Variants in PER2 observed in about 807,000 individuals in gnomAD.
PER2 encodes period circadian regulator 2.
In PER2, 66 loss-of-function variants were observed where a neutral mutation model predicts 121.0. The observed-to-expected ratio is 0.55, with a 90% confidence interval of 0.45 to 0.67. The LOEUF is 0.67. PER2 is among the 30% of genes least tolerant of loss of function. The pLI, the probability that PER2 is intolerant of heterozygous loss-of-function variation, is 0.00. For missense variants in PER2, 1,521 were observed against 1,635.0 expected (o/e 0.93, Z 1.20); for synonymous variants, 684 against 659.9 (o/e 1.04, Z -0.56).
Position 238,268,855 on chromosome 2 carries a change from G to T in PER2, c.824+68C>A. ...CAGGGATCACGCCCCCCAGCCTCAA[G>T]CGGAGCAGTGCTGGGGTGAAATGTT... On this transcript the variant is annotated intron_variant, in intron 7 of 22. Coordinates refer to ENST00000254657, the MANE Select transcript of PER2 (RefSeq NM_022817.3). This position sits in a 1 kb window ranked among gnomAD's most constrained non-coding sequence, Gnocchi z 4.0. 2 of 1,171,080 alleles carry T rather than the reference G, an allele frequency of 1.7e-6. No homozygotes were observed. Among genetic ancestry groups the T allele is most frequent in the Non-Finnish European group, 2.6e-6 (2 of 776,184 alleles). The allele number at this position is 1,171,080 out of a possible 1,614,324, so 72.5% of individuals were successfully genotyped here.
At position 238,253,289 on chromosome 2, in the gene PER2, A is replaced by G. The variant is rs753800392; in HGVS notation, c.2734T>C (p.Ser912Pro). ...PVMAFMLPSY[S>P]FPSGTPNLPQ... The stretch of plus-strand genomic sequence containing the variant: ...AGGTTTGGGGTCCCCGAGGGGAAGG[A>G]ATAACTGGGTAGCATGAATGCCATG... The change falls in exon 19 of 23, where the codon TCC becomes CCC. Residue 912 changes from serine (S) to proline (P), a missense_variant. Transcript: ENST00000254657. The surrounding 1 kb of genome is among the most constrained non-coding windows in gnomAD (Gnocchi z 5.6). The G allele has an allele frequency of 1.9e-6, 3 of 1,612,824 alleles. No homozygotes were observed. Among genetic ancestry groups the G allele is most frequent in the African/African-American group, 2.7e-5 (2 of 74,886 alleles).
chr2:238,262,166 C>T, intron 11 of PER2, 25 bp downstream of exon 11: 1 of 1,611,322 alleles, frequency 6.2e-7, no homozygotes, highest in Non-Finnish European at 8.5e-7. Context: ...ACCCCTGAGC[C>T]ACCTCGGGCC....
At chr2:238,261,686 C>T (rs1695937757) in intron 12 of PER2, 43 bp downstream of exon 12, 1 of 1,324,430 alleles carries the variant, frequency 7.6e-7, no homozygotes, top group South Asian at 1.3e-5. Flanking sequence ...AGGGGGCTCT[C>T]AGGCTGCTAC....
upstream of PER2, among the ~76,000 whole-genome samples, chr2:238,293,622 C>G (rs1272321539): frequency 6.6e-6 from 1 of 151,658 alleles, no homozygotes; most frequent in Non-Finnish European, 1.5e-5. Flanking sequence ...ATAATCCCAG[C>G]TACTCGGGAG....
upstream of PER2, among the ~76,000 whole-genome samples, chr2:238,292,887 G>A (rs554046863): frequency 7.3e-5 from 11 of 151,578 alleles, no homozygotes; most frequent in Non-Finnish European, 1.6e-4. Flanking sequence ...ACAGGCGCAC[G>A]TAACCACACC....
At chr2:238,276,820 T>C (rs550012448) in intron 3 of PER2, among the ~76,000 whole-genome samples, 3 of 152,256 alleles carry the variant, frequency 2.0e-5, no homozygotes, top group South Asian at 2.1e-4. Context: ...TAGGGTAAGT[T>C]TGTTACAAAC....
At position 238,253,496 on chromosome 2, in the gene PER2, C is replaced by A; in HGVS notation, c.2527G>T (p.Ala843Ser). Reference sequence around the variant, plus strand: ...GGCACTGGGGCGGGAAAGGGCACGGCTGGGCAGCTGGACTGGGACGTGTCT... The same window carrying A: ...GGCACTGGGGCGGGAAAGGGCACGGATGGGCAGCTGGACTGGGACGTGTCT... The part of the protein sequence containing the change: ...PSDTSQSSCP[A>S]VPFPAPVPAA... The change falls in exon 19 of 23, where the codon GCC becomes TCC. Residue 843 changes from alanine to serine, a missense_variant. Coordinates refer to ENST00000254657, the MANE Select transcript of PER2 (RefSeq NM_022817.3). The surrounding 1 kb of genome is among the most constrained non-coding windows in gnomAD (Gnocchi z 5.6). 1 of 1,612,298 alleles carries A rather than the reference C, an allele frequency of 6.2e-7. No individual in the cohort carries two copies. The highest frequency in any genetic ancestry group is 8.5e-7 in the Non-Finnish European group (1 of 1,179,476).
chr2:238,251,571 G>A (rs1695600151), intron 20 of PER2, 28 bp downstream of exon 20: 2 of 1,609,538 alleles, frequency 1.2e-6, no homozygotes, highest in Non-Finnish European at 8.5e-7. Flanking sequence ...CCTCCCAAGT[G>A]CCTAACACCC....
At chr2:238,298,779 G>A in the PER2 span, 2 of 152,290 alleles carry the variant, frequency 1.3e-5, no homozygotes, top group African/African-American at 4.8e-5. Flanking sequence ...GGTGCTTCCT[G>A]AGTGGGAGAC....
At chr2:238,266,258 A>C (rs1696109026) in intron 8 of PER2, among the ~76,000 whole-genome samples, 2 of 151,946 alleles carry the variant, frequency 1.3e-5, no homozygotes, top group African/African-American at 4.8e-5. Flanking sequence ...TATTTTTAGG[A>C]AAATGAGTTA....
At chr2:238,258,448 A>G (rs747718145) in intron 15 of PER2, 48 bp from the exon 16 acceptor site, 16 of 1,613,876 alleles carry the variant, frequency 9.9e-6, no homozygotes, top group Non-Finnish European at 1.3e-5. Context: ...ACATGAGAGG[A>G]GGGAAGGTGT....
rs933737693 is a variant in PER2 at position 238,245,678 on chromosome 2, T to C, written c.*697A>G. 2.3e-5 allele frequency: 9 copies of C among 398,500 alleles called. No homozygotes were observed. The highest frequency in any genetic ancestry group is 4.0e-5 in the Non-Finnish European group (9 of 226,072). 24.7% of individuals were successfully genotyped at this position (398,500 alleles called of 1,614,324 possible). ...TACAGAGGGTCTGTCTGCGTGTGCA[T>C]TCATCCGATGGAGTTGGCCACACAA... On this transcript the variant is annotated 3_prime_UTR_variant, in exon 23 of 23. Coordinates refer to ENST00000254657, the MANE Select transcript of PER2 (RefSeq NM_022817.3).
intron 1 of PER2, among the ~76,000 whole-genome samples, chr2:238,281,211 C>T (rs543775610): frequency 6.6e-6 from 1 of 152,234 alleles, no homozygotes; most frequent in East Asian, 1.9e-4. Context: ...ACCATGCTGG[C>T]CAGGATGGTC....
intron 8 of PER2, 81 bp from the exon 9 acceptor site, chr2:238,265,671 C>G: frequency 1.1e-6 from 1 of 879,518 alleles, no homozygotes. Context: ...CAGAAAACAC[C>G]CTGTAGATTC....
At chr2:238,288,281 A>C (rs1233132698) in intron 1 of PER2, 68 bp downstream of exon 1, 5 of 152,222 alleles carry the variant, frequency 3.3e-5, no homozygotes, top group African/African-American at 9.7e-5. Flanking sequence ...CCAAAAGAGA[A>C]TCGCCCACGG....
intron 2 of PER2, among the ~76,000 whole-genome samples, chr2:238,277,462 C>A (rs990323437): frequency 5.9e-5 from 9 of 152,188 alleles, no homozygotes; most frequent in Non-Finnish European, 1.0e-4. Context: ...GGGTTACCCA[C>A]CACTGCTACC....
Position 238,268,271 on chromosome 2 carries a change from C to T in PER2, c.825-73G>A, listed in dbSNP as rs1052861242. 35 of 1,498,418 alleles carry T rather than the reference C, an allele frequency of 2.3e-5. No homozygotes were observed. Among genetic ancestry groups the T allele is most frequent in the Non-Finnish European group, 2.8e-5 (30 of 1,087,790 alleles). The allele number at this position is 1,498,418 out of a possible 1,614,324, so 92.8% of individuals were successfully genotyped here. A position where few individuals can be genotyped will look rare whatever the true frequency, so the allele number is the denominator to read the frequency against. On this transcript the variant is annotated intron_variant, in intron 7 of 22. Transcript: ENST00000254657. This position sits in a 1 kb window ranked among gnomAD's most constrained non-coding sequence, Gnocchi z 4.0. ...AGTCCCCTGTTCTGTTCCCTCCTCA[C>T]CTGGGCCCCATGCCATGCTGCAGGT...
At chr2:238,269,658 C>T (rs868825457) in intron 6 of PER2, among the ~76,000 whole-genome samples, 2 of 150,376 alleles carry the variant, frequency 1.3e-5, no homozygotes, top group Non-Finnish European at 3.0e-5. Flanking sequence ...TAACCTACAA[C>T]TGAACACACG....
At position 238,268,636 on chromosome 2, in the gene PER2, G is replaced by A. The variant is rs534488081; in HGVS notation, c.824+287C>T. Among the ~76,000 whole-genome samples, 1 of 152,190 alleles carries A rather than the reference G, an allele frequency of 6.6e-6. No individual in the cohort carries two copies. Among genetic ancestry groups the A allele is most frequent in the African/African-American group, 2.4e-5 (1 of 41,448 alleles). ...AAAAACGCACAGACAACCAAAAGAC[G>A]CAGTGCTTTCAGAAACTCTGTCGAC... is the stretch of plus-strand genomic sequence containing the variant. On this transcript the variant is annotated intron_variant, in intron 7 of 22. Transcript: ENST00000254657. This position sits in a 1 kb window ranked among gnomAD's most constrained non-coding sequence, Gnocchi z 4.0.
Sources: gnomAD v4.1 joint callset for allele counts (sites outside exome capture counted in the v4.1 genomes callset) on GRCh38, gnomAD v4.1.1 for gene constraint, Gnocchi (gnomAD v3.1) non-coding constraint, MANE v1.5 for transcripts, NCBI Gene and HGNC (gene_info 2026-07-23, HGNC 2026-07-21) for gene names.